The following RBM47 variants were observed in gnomAD, a reference collection of about 807,000 sequenced individuals.
RBM47 encodes the protein RNA-binding protein 47.
A neutral mutation model predicts 47.1 loss-of-function variants in RBM47; 21 were observed. The ratio of observed to expected loss-of-function variants is 0.45; its 90% CI spans 0.32 to 0.64. The LOEUF is 0.64. Ranked by LOEUF, RBM47 falls within the 30% of genes least tolerant of loss-of-function variation. RBM47 has a pLI of 0.05. For missense variants in RBM47, 708 were observed against 870.9 expected, an observed-to-expected ratio of 0.81 and a Z score of 2.35; for synonymous variants, 375 against 361.7, an observed-to-expected ratio of 1.04 and a Z score of -0.42.
chr4:40,533,438 GA>G (rs1299731307), intron 2 of RBM47, among the ~76,000 whole-genome samples: 1,792 of 62,082 alleles, frequency 0.029, 28 homozygotes, highest in African/African-American at 0.086. Flanking sequence ...TGTCTCAAAA[GA>G]AAAAAAAAAA....
chr4:40,594,009 G>T (rs542606747), intron 1 of RBM47, among the ~76,000 whole-genome samples: 1 of 151,868 alleles, frequency 6.6e-6, no homozygotes, highest in Admixed American at 6.6e-5. Context: ...CTGAGATTGC[G>T]CCATTGCACT....
rs184692158 is a variant in RBM47 at position 40,433,172 on chromosome 4, G to C, written c.1331-310C>G. Among the ~76,000 whole-genome samples the C allele has an allele frequency of 2.3e-3, 355 of 152,204 alleles. 1 individual carries two copies. The highest frequency in any genetic ancestry group is 3.6e-3 in the Non-Finnish European group (247 of 68,020). On this transcript the variant is annotated intron_variant, in intron 5 of 6. Transcript: ENST00000295971. ...GACAGGGTTTCGCCACGTTGCCCAGGCTGGTCTTGAACTCCTGAGCTCAAG... is the reference window on the plus strand; with the variant it reads ...GACAGGGTTTCGCCACGTTGCCCAGCCTGGTCTTGAACTCCTGAGCTCAAG...
At chr4:40,624,326 G>C (rs549146118) in intron 1 of RBM47, among the ~76,000 whole-genome samples, 2 of 152,258 alleles carry the variant, frequency 1.3e-5, no homozygotes, top group East Asian at 3.9e-4. Context: ...TATGGAGTGT[G>C]AATTTAGTAT....
intron 2 of RBM47, among the ~76,000 whole-genome samples, chr4:40,501,855 A>G (rs573092151): frequency 6.6e-6 from 1 of 152,334 alleles, no homozygotes; most frequent in African/African-American, 2.4e-5. Context: ...GAGTCAACAG[A>G]TGCTCAGATA....
intron 1 of RBM47, among the ~76,000 whole-genome samples, chr4:40,561,544 C>CT (rs796381156): frequency 0.011 from 1,419 of 124,456 alleles, 61 homozygotes; most frequent in African/African-American, 0.036. Context: ...TTCTTCTTTT[C>CT]TTTTTTTTTT....
intron 1 of RBM47, among the ~76,000 whole-genome samples, chr4:40,623,769 C>T (rs1737479014): frequency 6.6e-6 from 1 of 152,054 alleles, no homozygotes; most frequent in African/African-American, 2.4e-5. Flanking sequence ...CACTTTTTTC[C>T]TCCTCATCAT....
At chr4:40,555,142 G>A (rs763406208) in intron 1 of RBM47, among the ~76,000 whole-genome samples, 3 of 152,148 alleles carry the variant, frequency 2.0e-5, no homozygotes, top group Non-Finnish European at 4.4e-5. Context: ...TCACTATGTT[G>A]GCCAGGCTGG....
At chr4:40,530,451 C>T (rs755186102) in intron 2 of RBM47, among the ~76,000 whole-genome samples, 21 of 152,040 alleles carry the variant, frequency 1.4e-4, no homozygotes, top group Non-Finnish European at 2.6e-4. Context: ...TACAGGCACA[C>T]GCCATCGCAC....
rs1275425267 is a variant in RBM47 at position 40,437,207 on chromosome 4, A to T, written c.1124-560T>A. Among the ~76,000 whole-genome samples the T allele has an allele frequency of 6.3e-4, 91 of 143,818 alleles. 3 individuals are homozygous for T. The highest frequency in any genetic ancestry group is 9.6e-4 in the Non-Finnish European group (64 of 66,748). The allele number at this position is 143,818 out of a possible 152,430, so 94.4% of individuals were successfully genotyped here. On this transcript the variant is annotated intron_variant, in intron 4 of 6. Coordinates refer to ENST00000295971, the MANE Select transcript of RBM47 (RefSeq NM_001098634.2). ...TATATACTATTAAATAATTTTTTTT[A>T]AAGTTAGCTTTGGAAGGGGATTTGC... is the stretch of plus-strand genomic sequence containing the variant.
chr4:40,507,255 C>T (rs773895911), intron 2 of RBM47, among the ~76,000 whole-genome samples: 7 of 152,054 alleles, frequency 4.6e-5, no homozygotes, highest in Non-Finnish European at 1.0e-4. Flanking sequence ...CTACACCTGG[C>T]CTTAAGCACG....
At chr4:40,548,849 C>T (rs1265199875) in intron 1 of RBM47, among the ~76,000 whole-genome samples, 5 of 151,776 alleles carry the variant, frequency 3.3e-5, no homozygotes, top group South Asian at 2.1e-4. Flanking sequence ...TATTTTTAGC[C>T]GAGACAGGGT....
chr4:40,436,130 C>A (rs936945051), intron 5 of RBM47, among the ~76,000 whole-genome samples: 1 of 150,666 alleles, frequency 6.6e-6, no homozygotes, highest in African/African-American at 2.4e-5. Context: ...CAAGATCATG[C>A]CACTGCACTC....
intron 1 of RBM47, among the ~76,000 whole-genome samples, chr4:40,573,600 G>A (rs1412223442): frequency 6.6e-6 from 1 of 151,664 alleles, no homozygotes; most frequent in Non-Finnish European, 1.5e-5. Flanking sequence ...AAAATTAGCT[G>A]GGCATGGTAG....
intron 2 of RBM47, among the ~76,000 whole-genome samples, chr4:40,484,580 T>A (rs547532681): frequency 6.6e-6 from 1 of 152,218 alleles, no homozygotes; most frequent in East Asian, 1.9e-4. Context: ...ATCCATAACA[T>A]TGCAGGCTTT....
At chr4:40,472,562 CAA>C (rs11403447) in intron 2 of RBM47, among the ~76,000 whole-genome samples, 12 of 126,472 alleles carry the variant, frequency 9.5e-5, no homozygotes, top group Admixed American at 8.3e-5. Context: ...TGCTCTGTCT[CAA>C]AAAAAAAAAA....
intron 2 of RBM47, among the ~76,000 whole-genome samples, chr4:40,469,985 A>G (rs1040239617): frequency 6.6e-6 from 1 of 152,164 alleles, no homozygotes; most frequent in African/African-American, 2.4e-5. Flanking sequence ...AGCAAAACCT[A>G]TATGTTATGT....
chr4:40,624,860 C>CTTTTTTTTTTTTTTTTT (rs1172791380), intron 1 of RBM47, among the ~76,000 whole-genome samples: 61 of 119,616 alleles, frequency 5.1e-4, no homozygotes, highest in East Asian at 7.3e-4. Flanking sequence ...TTTTCTTTTT[C>CTTTTTTTTTTTTTTTTT]TTTTTTTTTT....
chr4:40,611,674 G>A (rs1306310883), intron 1 of RBM47, among the ~76,000 whole-genome samples: 1 of 152,060 alleles, frequency 6.6e-6, no homozygotes, highest in Non-Finnish European at 1.5e-5. Context: ...GTTGCGGTGA[G>A]CCGAGATCGC....
At chr4:40,530,321 C>A (rs936679264) in intron 2 of RBM47, among the ~76,000 whole-genome samples, 8 of 150,556 alleles carry the variant, frequency 5.3e-5, no homozygotes, top group African/African-American at 2.0e-4. Context: ...TTCTTTTTTT[C>A]GAGATGGAGT....
Sources: allele counts gnomAD v4.1 joint callset (sites outside exome capture counted in the v4.1 genomes callset), GRCh38; gene constraint gnomAD v4.1.1; transcripts MANE v1.5; gene names NCBI Gene and HGNC (gene_info 2026-07-23, HGNC 2026-07-21).